Variants in STS observed in about 807,000 individuals in gnomAD.
The protein encoded by STS is steryl-sulfatase.
Under a neutral mutation model 26.8 loss-of-function variants are expected in STS, and 7 were observed. The observed-to-expected ratio is 0.26, with a 90% confidence interval of 0.15 to 0.49. The LOEUF is 0.49. Among genes scored for constraint, STS ranks in the 20% least tolerant of loss-of-function variants. STS has a pLI of 0.98. For missense variants in STS, 434 were observed against 465.6 expected (o/e 0.93, Z 0.63); for synonymous variants, 199 against 189.4 (o/e 1.05, Z -0.42).
Position 7,174,958 on chromosome X carries a change from A to G in STS, c.-133-15922A>G, listed in dbSNP as rs1242540221. ...CAAGTCTTCATGTCTACTGACATCT[A>G]ACTGGCGTTGGCGTCTTCTGGAACT... On this transcript the variant is annotated intron_variant, in intron 1 of 10. Coordinates refer to ENST00000674429, the MANE Select transcript of STS (RefSeq NM_001320752.2). 2.7e-5 allele frequency among the ~76,000 whole-genome samples: 3 copies of G among 110,938 alleles called. No individual in the cohort carries two copies. In the Admixed American group the frequency reaches 2.9e-4, roughly 11 times the overall value.
intron 2 of STS, among the ~76,000 whole-genome samples, chrX:7,233,123 T>C (rs1922152432): frequency 1.1e-5 from 1 of 92,511 alleles, no homozygotes; most frequent in South Asian, 6.0e-4. Flanking sequence ...AGATGGAGTC[T>C]CACTTCTTCG....
chrX:7,153,133 C>G (rs1933053099), intron 1 of STS, among the ~76,000 whole-genome samples: 4 of 111,741 alleles, frequency 3.6e-5, no homozygotes, highest in African/African-American at 1.3e-4. Context: ...GGGGCTCAGG[C>G]TTCATCACAC....
chrX:7,345,978 C>T (rs1273337137), intron 10 of STS, among the ~76,000 whole-genome samples: 2 of 111,944 alleles, frequency 1.8e-5, no homozygotes, highest in Non-Finnish European at 3.8e-5. Flanking sequence ...CGCTGTAATA[C>T]GAAGTAATAG....
At chrX:7,163,771 A>G (rs996562880) in intron 1 of STS, among the ~76,000 whole-genome samples, 4 of 112,386 alleles carry the variant, frequency 3.6e-5, no homozygotes, top group African/African-American at 9.7e-5. Flanking sequence ...AACTAACATA[A>G]AGTGAAAAGT....
intron 8 of STS, 54 bp downstream of exon 8, chrX:7,305,237 C>T: frequency 8.3e-7 from 1 of 1,198,193 alleles, no homozygotes; most frequent in Non-Finnish European, 1.1e-6. Context: ...CCGCTGGTCA[C>T]TTTTTTCTTG....
intron 1 of STS, among the ~76,000 whole-genome samples, chrX:7,166,160 AC>A (rs1933347441): frequency 9.1e-6 from 1 of 109,814 alleles, no homozygotes; most frequent in South Asian, 4.0e-4. Flanking sequence ...GGTGCATACC[AC>A]CACACCTGAC....
intron 7 of STS, among the ~76,000 whole-genome samples, chrX:7,281,097 C>T (rs1198722275): frequency 2.9e-5 from 3 of 104,905 alleles, no homozygotes; most frequent in Non-Finnish European, 3.9e-5. Flanking sequence ...ACCCGGGAGG[C>T]GGAGATTGGC....
intron 10 of STS, 55 bp downstream of exon 10, chrX:7,334,162 G>T: frequency 8.3e-7 from 1 of 1,208,377 alleles, no homozygotes; most frequent in Admixed American, 2.2e-5. Context: ...TATGCCATGG[G>T]AATAGATAAA....
chrX:7,253,731 TACTCTC>T (rs759757938), intron 3 of STS, among the ~76,000 whole-genome samples: 10 of 112,032 alleles, frequency 8.9e-5, no homozygotes, highest in South Asian at 3.8e-4. Context: ...ATCAGTGACT[TACTCTC>T]ACTCTCACTC....
intron 10 of STS, among the ~76,000 whole-genome samples, chrX:7,335,750 T>G (rs1927987546): frequency 8.9e-6 from 1 of 112,198 alleles, no homozygotes; most frequent in Admixed American, 9.5e-5. Context: ...AGGTCTACCA[T>G]TTAAGTCTTT....
At chrX:7,344,506 C>T (rs1278484986) in intron 10 of STS, among the ~76,000 whole-genome samples, 2 of 111,212 alleles carry the variant, frequency 1.8e-5, no homozygotes, top group Non-Finnish European at 3.8e-5. Flanking sequence ...ACCACCCTGA[C>T]AGAGGCCCCA....
Position 7,148,094 on chromosome X carries a change from G to A in STS, c.-134+11G>A. On this transcript the variant is annotated intron_variant, in intron 1 of 10. Transcript: ENST00000674429. ...CATGTCAAAGATGAGGTGGGTGACG[G>A]GCTGCGGGGGCGCCGCCATGGTGGC... is the stretch of plus-strand genomic sequence containing the variant. The A allele has an allele frequency of 3.5e-6, 4 of 1,134,863 alleles. No individual in the cohort carries two copies. The highest frequency in any genetic ancestry group is 4.7e-6 in the Non-Finnish European group (4 of 855,940). 93.5% of individuals were successfully genotyped at this position (1,134,863 alleles called of 1,213,427 possible). A position where few individuals can be genotyped will look rare whatever the true frequency, so the allele number is the denominator to read the frequency against.
chrX:7,315,534 A>G (rs944226760), intron 8 of STS, among the ~76,000 whole-genome samples: 1 of 111,480 alleles, frequency 9.0e-6, no homozygotes, highest in Non-Finnish European at 1.9e-5. Context: ...AAGTCCCACA[A>G]TGGGCTGTCT....
chrX:7,148,099 C>T lies in STS; in HGVS notation c.-134+16C>T. On this transcript the variant is annotated intron_variant, in intron 1 of 10. Coordinates refer to ENST00000674429, the MANE Select transcript of STS (RefSeq NM_001320752.2). The stretch of plus-strand genomic sequence containing the variant: ...CAAAGATGAGGTGGGTGACGGGCTG[C>T]GGGGGCGCCGCCATGGTGGCGCCTT... The T allele has an allele frequency of 8.9e-7, 1 of 1,122,045 alleles. No individual in the cohort carries two copies. Among genetic ancestry groups the T allele is most frequent in the Non-Finnish European group, 1.2e-6 (1 of 847,762 alleles). 92.5% of individuals were successfully genotyped at this position (1,122,045 alleles called of 1,213,427 possible). A position where few individuals can be genotyped will look rare whatever the true frequency, so the allele number is the denominator to read the frequency against.
intron 6 of STS, among the ~76,000 whole-genome samples, chrX:7,272,267 G>A (rs1344509518): frequency 9.5e-6 from 1 of 105,032 alleles, no homozygotes; most frequent in Non-Finnish European, 1.9e-5. Flanking sequence ...GGCTGGTAAA[G>A]ATGTGGACCA....
chrX:7,351,858 G>A lies in STS; in HGVS notation c.*1597G>A, dbSNP rs1928812303. On this transcript the variant is annotated 3_prime_UTR_variant, in exon 11 of 11. Transcript: ENST00000674429. ...TGGAGCAAGAGGGGCATACTATTGG[G>A]CTGGGAGGATTTGACAGCATTTCCC... 9.2e-6 allele frequency: 1 copy of A among 108,829 alleles called. No individual in the cohort carries two copies. 9.0% of individuals were successfully genotyped at this position (108,829 alleles called of 1,213,427 possible). A position where few individuals can be genotyped will look rare whatever the true frequency, so the allele number is the denominator to read the frequency against.
intron 10 of STS, among the ~76,000 whole-genome samples, chrX:7,342,238 G>A (rs1238052162): frequency 9.0e-6 from 1 of 111,576 alleles, no homozygotes; most frequent in Non-Finnish European, 1.9e-5. Flanking sequence ...GAGACCTCAA[G>A]TGTTGACTGA....
At position 7,276,588 on chromosome X, in the gene STS, C is replaced by T. The variant is rs144324196; in HGVS notation, c.943+501C>T. ...GAAGAGATTCATGGACGAAAAGAGA[C>T]AAAACTTTAGTCCTTATTATCCCTT... On this transcript the variant is annotated intron_variant, in intron 7 of 10. Transcript: ENST00000674429. 1.1e-3 allele frequency among the ~76,000 whole-genome samples: 120 copies of T among 112,537 alleles called. 1 individual carries two copies. The highest frequency in any genetic ancestry group is 3.7e-3 in the African/African-American group (114 of 30,984).
At chrX:7,179,470 A>G (rs1933641340) in intron 1 of STS, among the ~76,000 whole-genome samples, 1 of 112,480 alleles carries the variant, frequency 8.9e-6, no homozygotes, top group African/African-American at 3.2e-5. Context: ...CCTCCTCATG[A>G]AAGTGGTAAC....
Sources: gnomAD v4.1 joint callset for allele counts (sites outside exome capture counted in the v4.1 genomes callset) on GRCh38, gnomAD v4.1.1 for gene constraint, MANE v1.5 for transcripts, NCBI Gene and HGNC (gene_info 2026-07-23, HGNC 2026-07-21) for gene names.